FER: variants seen among roughly 807,000 people sequenced by gnomAD.
FER encodes the protein FER tyrosine kinase.
A neutral mutation model predicts 111.0 loss-of-function variants in FER; 63 were observed. The ratio of observed to expected loss-of-function variants is 0.57; its 90% CI spans 0.46 to 0.70. The LOEUF is 0.70. Ranked by LOEUF, FER falls within the 30% of genes least tolerant of loss-of-function variation. The pLI is 0.00. For synonymous variants in FER, 327 were observed against 313.9 expected (o/e 1.04, Z -0.44); for missense variants, 914 against 954.0 (o/e 0.96, Z 0.55).
At chr5:108,825,293 G>A (rs1474617752) in intron 3 of FER, among the ~76,000 whole-genome samples, 1 of 152,180 alleles carries the variant, frequency 6.6e-6, no homozygotes, top group Non-Finnish European at 1.5e-5. Flanking sequence ...AACCATAAGA[G>A]ACAGGTACGC....
At chr5:108,982,803 A>G (rs1307301028) in intron 13 of FER, among the ~76,000 whole-genome samples, 1 of 152,066 alleles carries the variant, frequency 6.6e-6, no homozygotes, top group Admixed American at 6.6e-5. Context: ...GATATTCCCT[A>G]CACACTTTAG....
intron 2 of FER, among the ~76,000 whole-genome samples, chr5:108,779,726 A>G (rs1478872105): frequency 6.6e-6 from 1 of 152,168 alleles, no homozygotes; most frequent in African/African-American, 2.4e-5. Flanking sequence ...CAATCTTGTC[A>G]TCTGTGAACA....
intron 17 of FER, among the ~76,000 whole-genome samples, chr5:109,179,062 A>G (rs961364739): frequency 1.1e-4 from 17 of 152,220 alleles, no homozygotes; most frequent in Admixed American, 2.6e-4. Flanking sequence ...GCTGCTTACA[A>G]GAATACTTTG....
chr5:109,038,855 TAAA>T (rs1267968638), intron 14 of FER, among the ~76,000 whole-genome samples: 6 of 152,038 alleles, frequency 3.9e-5, no homozygotes, highest in Admixed American at 6.6e-5. Context: ...TATTTTTAGT[TAAA>T]GAGAAATATT....
intron 10 of FER, among the ~76,000 whole-genome samples, chr5:108,919,923 C>G (rs568367639): frequency 2.6e-5 from 4 of 152,060 alleles, no homozygotes; most frequent in African/African-American, 4.8e-5. Context: ...TCATAGAAAC[C>G]TCATAGAATT....
chr5:108,763,748 A>G (rs1580411919), intron 1 of FER, among the ~76,000 whole-genome samples: 1 of 152,194 alleles, frequency 6.6e-6, no homozygotes, highest in Non-Finnish European at 1.5e-5. Context: ...CTGTGCAGGA[A>G]CATGAGAAAT....
intron 3 of FER, among the ~76,000 whole-genome samples, chr5:108,822,759 TTTTA>T (rs879915810): frequency 0.014 from 1,400 of 98,448 alleles, 26 homozygotes; most frequent in African/African-American, 0.062. Flanking sequence ...TTTTATTTTA[TTTTA>T]TTTATTTTAT....
intron 13 of FER, among the ~76,000 whole-genome samples, chr5:109,036,651 T>G (rs1322109828): frequency 6.6e-6 from 1 of 152,092 alleles, no homozygotes; most frequent in Non-Finnish European, 1.5e-5. Context: ...CCTTCCTCTC[T>G]TTCTTTCCTT....
chr5:108,886,396 A>C (rs1177086098), intron 9 of FER, among the ~76,000 whole-genome samples: 1 of 148,610 alleles, frequency 6.7e-6, no homozygotes. Flanking sequence ...GTATTTATAT[A>C]TATATATTAT....
chr5:108,822,705 TTTTA>T lies in FER; in HGVS notation c.208-10057_208-10054del, dbSNP rs1206758363. ...CCACCACATTGGGGATCAAATTTTA[TTTTA>T]TTTATTTTATTTTATTTTATTTTAT... is the stretch of plus-strand genomic sequence containing the variant. On this transcript the variant is annotated intron_variant, in intron 3 of 19. Transcript: ENST00000281092. 7.0e-4 allele frequency among the ~76,000 whole-genome samples: 95 copies of T among 136,302 alleles called. 1 individual carries two copies. In the East Asian group the frequency reaches 0.017, roughly 25 times the overall value. 89.4% of individuals were successfully genotyped at this position (136,302 alleles called of 152,430 possible).
intron 13 of FER, among the ~76,000 whole-genome samples, chr5:109,030,435 C>G (rs375468637): frequency 1.3e-5 from 2 of 152,172 alleles, no homozygotes; most frequent in African/African-American, 4.8e-5. Context: ...CCATTTAAAT[C>G]TTTCATTTTT....
intron 13 of FER, among the ~76,000 whole-genome samples, chr5:109,003,649 A>G (rs1375280120): frequency 1.3e-5 from 2 of 151,774 alleles, no homozygotes. Flanking sequence ...AAATAAAAAT[A>G]TTTATCCCAA....
intron 16 of FER, among the ~76,000 whole-genome samples, chr5:109,050,228 T>C (rs755360289): frequency 6.0e-4 from 91 of 152,010 alleles, no homozygotes; most frequent in Admixed American, 2.6e-3. Context: ...AGAATCATAA[T>C]TAACAAAACT....
In FER at chr5:108,986,545, C is replaced by G. The variant is rs141865713; in HGVS notation, c.1656+27198C>G. ...TAATCCAGTGTCTAGAAGTGTTTTT[C>G]TGATGTTATCTTTTAGTATTTTTAT... On this transcript the variant is annotated intron_variant, in intron 13 of 19. Transcript: ENST00000281092. Among the ~76,000 whole-genome samples, 144 of 152,152 alleles carry G rather than the reference C, an allele frequency of 9.5e-4. 5 individuals are homozygous for G. The East Asian group carries it at 0.027, about 29-fold the overall frequency.
At chr5:108,859,712 A>G (rs960569782) in intron 5 of FER, among the ~76,000 whole-genome samples, 4 of 152,104 alleles carry the variant, frequency 2.6e-5, no homozygotes, top group African/African-American at 7.2e-5. Flanking sequence ...AATTGAATGT[A>G]GCAATCACTA....
chr5:108,868,142 A>G (rs1764255211), intron 6 of FER, among the ~76,000 whole-genome samples, 192 bp downstream of exon 6: 1 of 152,012 alleles, frequency 6.6e-6, no homozygotes, highest in Non-Finnish European at 1.5e-5. Context: ...CCTTCTAGCT[A>G]GCTTCCAAAA....
chr5:108,938,239 A>G (rs969574113), intron 10 of FER, among the ~76,000 whole-genome samples: 4 of 151,884 alleles, frequency 2.6e-5, no homozygotes, highest in African/African-American at 9.7e-5. Flanking sequence ...TATCTGCCTC[A>G]TGTTTCAAAA....
intron 9 of FER, among the ~76,000 whole-genome samples, chr5:108,892,364 G>A (rs1748241579): frequency 6.6e-6 from 1 of 152,098 alleles, no homozygotes; most frequent in Admixed American, 6.5e-5. Flanking sequence ...CATTCTAACT[G>A]GTGTGAGATG....
At chr5:108,754,286 T>C (rs961078755) in intron 1 of FER, among the ~76,000 whole-genome samples, 4 of 151,852 alleles carry the variant, frequency 2.6e-5, no homozygotes, top group Admixed American at 6.6e-5. Context: ...TGGCATGTGC[T>C]TGTACTACTA....
Sources: allele counts gnomAD v4.1 joint callset (sites outside exome capture counted in the v4.1 genomes callset), GRCh38; gene constraint gnomAD v4.1.1; transcripts MANE v1.5; gene names NCBI Gene and HGNC (gene_info 2026-07-23, HGNC 2026-07-21).